Variants in CSMD1 observed in about 807,000 individuals in gnomAD.
CSMD1 encodes the protein CUB and Sushi multiple domains 1, also known as CUB and sushi domain-containing protein 1.
Under a neutral mutation model 417.5 loss-of-function variants are expected in CSMD1, and 213 were observed. That is an observed-to-expected ratio of 0.51 (90% CI 0.46 to 0.57). The LOEUF (loss-of-function observed/expected upper bound fraction) is 0.57, where lower values mean the gene tolerates loss of function less well. CSMD1 is among the 20% of genes least tolerant of loss of function. The pLI is 0.00. For synonymous variants in CSMD1, 2,862 were observed against 1,736.8 expected (o/e 1.65, Z -16.11); for missense variants, 6,923 against 4,529.7 (o/e 1.53, Z -15.17).
chr8:4,753,080 C>T (rs1811435971), intron 1 of CSMD1, among the ~76,000 whole-genome samples: 1 of 152,098 alleles, frequency 6.6e-6, no homozygotes, highest in Non-Finnish European at 1.5e-5. Context: ...TCACACCATC[C>T]TTAAAAGATG....
chr8:3,433,584 G>A (rs937728956), intron 12 of CSMD1, among the ~76,000 whole-genome samples: 10 of 152,242 alleles, frequency 6.6e-5, no homozygotes, highest in Middle Eastern at 3.4e-3. Context: ...CCATGCACAC[G>A]TGCCACACTC....
chr8:3,200,196 A>G (rs964590566), intron 32 of CSMD1, among the ~76,000 whole-genome samples: 3 of 152,114 alleles, frequency 2.0e-5, no homozygotes, highest in African/African-American at 4.8e-5. Flanking sequence ...AACTGAATCC[A>G]AAGATGATTT....
At chr8:3,225,507 C>T (rs767942263) in intron 27 of CSMD1, among the ~76,000 whole-genome samples, 1 of 151,994 alleles carries the variant, frequency 6.6e-6, no homozygotes, top group South Asian at 2.1e-4. Context: ...GCAGTACAAG[C>T]GTGGACCGAT....
Position 3,543,224 on chromosome 8 carries a change from G to A in CSMD1, c.1344+31721C>T, listed in dbSNP as rs533967302. ...GGTAAGTCTTAGCAGCAAGGGAGGT[G>A]GGAGAAGCCCAGGATGTGACGTAGA... On this transcript the variant is annotated intron_variant, in intron 10 of 69. Transcript: ENST00000635120. Among the ~76,000 whole-genome samples the A allele has an allele frequency of 3.3e-5, 5 of 152,354 alleles. No homozygotes were observed. The East Asian group carries it at 7.7e-4, about 23-fold the overall frequency.
intron 5 of CSMD1, among the ~76,000 whole-genome samples, chr8:3,974,732 A>G (rs564202913): frequency 6.6e-6 from 1 of 152,064 alleles, no homozygotes; most frequent in Non-Finnish European, 1.5e-5. Flanking sequence ...CAGAACAGGC[A>G]AAACTAAATT....
chr8:3,227,778 T>C (rs1299433444), intron 27 of CSMD1, among the ~76,000 whole-genome samples: 2 of 151,950 alleles, frequency 1.3e-5, no homozygotes, highest in Non-Finnish European at 2.9e-5. Context: ...TTTCTTTTTT[T>C]TTTTTTTGAG....
chr8:4,915,921 T>C (rs888975263), intron 1 of CSMD1, among the ~76,000 whole-genome samples: 1 of 151,898 alleles, frequency 6.6e-6, no homozygotes, highest in Non-Finnish European at 1.5e-5. Context: ...TCATGGGGAG[T>C]GGGTATAAAA....
chr8:4,769,294 A>T (rs1290366089), intron 1 of CSMD1, among the ~76,000 whole-genome samples: 1 of 152,190 alleles, frequency 6.6e-6, no homozygotes, highest in Admixed American at 6.5e-5. Flanking sequence ...CACCTGAAGG[A>T]ATCTTTCTCA....
chr8:3,274,508 G>A (rs1693536563), intron 26 of CSMD1, among the ~76,000 whole-genome samples: 1 of 152,122 alleles, frequency 6.6e-6, no homozygotes, highest in Admixed American at 6.6e-5. Context: ...TTGTTGATCT[G>A]TCTAAAGTTG....
At chr8:4,933,417 T>C (rs1807389444) in intron 1 of CSMD1, among the ~76,000 whole-genome samples, 2 of 152,226 alleles carry the variant, frequency 1.3e-5, no homozygotes, top group South Asian at 2.1e-4. Context: ...AAAAGTCATA[T>C]TTTGGGTCTT....
intron 5 of CSMD1, among the ~76,000 whole-genome samples, chr8:3,976,466 C>T (rs974654744): frequency 3.9e-5 from 6 of 152,046 alleles, no homozygotes; most frequent in African/African-American, 1.2e-4. Flanking sequence ...AGCTGTCTCC[C>T]GGGTCTAGAA....
At chr8:3,639,451 C>G (rs1222020003) in intron 7 of CSMD1, among the ~76,000 whole-genome samples, 3 of 152,148 alleles carry the variant, frequency 2.0e-5, no homozygotes, top group Non-Finnish European at 4.4e-5. Context: ...ATAAATCAGT[C>G]TATGACCTGA....
chr8:3,821,700 T>G (rs1432895225), intron 5 of CSMD1, among the ~76,000 whole-genome samples: 1 of 152,194 alleles, frequency 6.6e-6, no homozygotes, highest in Non-Finnish European at 1.5e-5. Context: ...GAGAACTGCT[T>G]GAACCCAGGA....
chr8:4,176,050 C>G (rs912302252), intron 3 of CSMD1, among the ~76,000 whole-genome samples: 3 of 152,072 alleles, frequency 2.0e-5, no homozygotes, highest in African/African-American at 4.8e-5. Flanking sequence ...GAAGCAGGAG[C>G]AGAAAAGTGT....
At chr8:3,584,984 C>G in intron 9 of CSMD1, among the ~76,000 whole-genome samples, 1 of 152,144 alleles carries the variant, frequency 6.6e-6, no homozygotes, top group Non-Finnish European at 1.5e-5. Context: ...CAGCCATGTG[C>G]ATTTCCTGGA....
chr8:3,233,284 A>C (rs1388716017), intron 26 of CSMD1, among the ~76,000 whole-genome samples: 1 of 152,246 alleles, frequency 6.6e-6, no homozygotes, highest in East Asian at 1.9e-4. Flanking sequence ...CTATCACAGG[A>C]GGGGAATTGG....
intron 1 of CSMD1, among the ~76,000 whole-genome samples, chr8:4,938,774 G>C (rs867363501): frequency 1.3e-5 from 2 of 152,332 alleles, no homozygotes; most frequent in Middle Eastern, 3.4e-3. Flanking sequence ...TGTGGGTCAA[G>C]AAGTGCAGGG....
intron 8 of CSMD1, among the ~76,000 whole-genome samples, chr8:3,615,414 A>G (rs2117161408): frequency 6.6e-6 from 1 of 152,256 alleles, no homozygotes; most frequent in East Asian, 1.9e-4. Context: ...TTTCCAATAA[A>G]TCACTTCAAT....
chr8:3,489,883 G>A (rs1054841514), intron 11 of CSMD1, among the ~76,000 whole-genome samples: 1 of 152,198 alleles, frequency 6.6e-6, no homozygotes, highest in African/African-American at 2.4e-5. Flanking sequence ...GTGAATGCCA[G>A]TCTGCCATGA....
Sources: gnomAD v4.1 joint callset for allele counts (sites outside exome capture counted in the v4.1 genomes callset) on GRCh38, gnomAD v4.1.1 for gene constraint, MANE v1.5 for transcripts, NCBI Gene and HGNC (gene_info 2026-07-23, HGNC 2026-07-21) for gene names.